The following MYO5B variants were observed in gnomAD, a reference collection of about 807,000 sequenced individuals.
The protein encoded by MYO5B is myosin VB.
A neutral mutation model predicts 229.3 loss-of-function variants in MYO5B; 143 were observed. The ratio of observed to expected loss-of-function variants is 0.62; its 90% CI spans 0.54 to 0.72. The LOEUF is 0.72. MYO5B is among the 30% of genes least tolerant of loss of function. MYO5B has a pLI of 0.00. For synonymous variants in MYO5B, 918 were observed against 885.2 expected (o/e 1.04, Z -0.66); for missense variants, 2,321 against 2,331.0 (o/e 1.00, Z 0.09).
chr18:49,962,438 C>T (rs754529760), intron 11 of MYO5B, 32 bp from the exon 12 acceptor site: 2 of 1,614,004 alleles, frequency 1.2e-6, no homozygotes. Flanking sequence ...CACGAGTGAA[C>T]TGCAGGCACA....
chr18:50,132,791 G>A (rs2144548891), intron 1 of MYO5B, among the ~76,000 whole-genome samples: 1 of 152,282 alleles, frequency 6.6e-6, no homozygotes, highest in Non-Finnish European at 1.5e-5. Flanking sequence ...AAACTTCCAA[G>A]TACCTTGGCT....
At chr18:50,100,766 G>T (rs1364877177) in intron 1 of MYO5B, among the ~76,000 whole-genome samples, 1 of 152,114 alleles carries the variant, frequency 6.6e-6, no homozygotes, top group Non-Finnish European at 1.5e-5. Context: ...CTCTTTCTCT[G>T]CTCTCTTCTT....
chr18:49,843,533 G>A, intron 33 of MYO5B, 141 bp from the exon 34 acceptor site: 1 of 1,089,322 alleles, frequency 9.2e-7, no homozygotes, highest in South Asian at 1.4e-5. Context: ...AGGATTGGGA[G>A]AGAAGCCACC....
intron 39 of MYO5B, among the ~76,000 whole-genome samples, chr18:49,831,058 CTT>C (rs2023914160): frequency 6.6e-6 from 1 of 151,876 alleles, no homozygotes; most frequent in Non-Finnish European, 1.5e-5. Flanking sequence ...AGGGCAGTGT[CTT>C]TGACAAATGG....
Position 50,103,680 on chromosome 18 carries a change from G to A in MYO5B, c.28-48302C>T, listed in dbSNP as rs576127203. On this transcript the variant is annotated intron_variant, in intron 1 of 39. Transcript: ENST00000285039. ...GGCTTGAGCCCAGCAGTTTGGGGCT[G>A]CAGTGAGCTATGATTATACCACTGC... Among the ~76,000 whole-genome samples, 5 of 152,242 alleles carry A rather than the reference G, an allele frequency of 3.3e-5. No individual in the cohort carries two copies. The South Asian group carries it at 1.0e-3, about 32-fold the overall frequency.
chr18:50,106,038 C>T (rs532726282), intron 1 of MYO5B, among the ~76,000 whole-genome samples: 26 of 152,234 alleles, frequency 1.7e-4, no homozygotes, highest in African/African-American at 6.0e-4. Flanking sequence ...ATAACTCATC[C>T]TCCCATCCTG....
intron 1 of MYO5B, among the ~76,000 whole-genome samples, chr18:50,109,149 C>A (rs1418241603): frequency 6.6e-6 from 1 of 152,138 alleles, no homozygotes; most frequent in Non-Finnish European, 1.5e-5. Flanking sequence ...TGAAGAACCA[C>A]GATAAGAAAG....
Position 49,895,018 on chromosome 18 carries a change from T to C in MYO5B, c.2968A>G (p.Thr990Ala), listed in dbSNP as rs1369153296. ...RLQEEVESLR[T>A]ELQRAHSERK... is the part of the protein sequence containing the mutation. ...TCCGAGTGGGCCCTCTGCAGCTCTGTGCGCAGGCTCTCCACCTCCTCCTGC... is the reference window on the plus strand; with the variant it reads ...TCCGAGTGGGCCCTCTGCAGCTCTGCGCGCAGGCTCTCCACCTCCTCCTGC... The change falls in exon 22 of 40, where the codon ACA (threonine) becomes GCA (alanine). Residue 990 changes from threonine (T) to alanine (A), a missense_variant. Thr to Ala is a moderately conservative substitution (Grantham distance 58, BLOSUM62 0). Transcript: ENST00000285039. The C allele has an allele frequency of 1.4e-5, 23 of 1,613,974 alleles. No homozygotes were observed. Among genetic ancestry groups the C allele is most frequent in the Non-Finnish European group, 1.9e-5 (22 of 1,180,030 alleles).
intron 1 of MYO5B, among the ~76,000 whole-genome samples, chr18:50,107,969 C>T (rs1266159596): frequency 1.3e-5 from 2 of 151,986 alleles, no homozygotes; most frequent in African/African-American, 2.4e-5. Context: ...AGTGCAGTGG[C>T]GTGATCTTGG....
intron 14 of MYO5B, among the ~76,000 whole-genome samples, chr18:49,951,774 TCA>T (rs1377330202): frequency 1.3e-5 from 2 of 152,212 alleles, no homozygotes; most frequent in Non-Finnish European, 2.9e-5. Flanking sequence ...CTATAAGTTG[TCA>T]CAGGCCTCCA....
intron 21 of MYO5B, among the ~76,000 whole-genome samples, chr18:49,895,977 C>T (rs2024774663): frequency 6.6e-6 from 1 of 152,170 alleles, no homozygotes; most frequent in Non-Finnish European, 1.5e-5. Flanking sequence ...ATAGGGCTCT[C>T]CAAATCATCA....
intron 1 of MYO5B, among the ~76,000 whole-genome samples, chr18:50,187,035 C>T (rs2033158900): frequency 6.6e-6 from 1 of 152,202 alleles, no homozygotes; most frequent in South Asian, 2.1e-4. Flanking sequence ...TTTCGTAAAT[C>T]TCCAAATGTA....
chr18:49,937,393 G>A lies in MYO5B; in HGVS notation c.1757C>T (p.Pro586Leu). 1 of 1,613,928 alleles carries A rather than the reference G, an allele frequency of 6.2e-7. No homozygotes were observed. Among genetic ancestry groups the A allele is most frequent in the Non-Finnish European group, 8.5e-7 (1 of 1,179,866 alleles). ...QINILKASKF[P>L]LVADLFHDDK... The stretch of plus-strand genomic sequence containing the variant: ...ATCATGAAACAAGTCAGCCACTAGT[G>A]GGAACTAGAAACAATCACAGGAAGA... Residue 586 changes from proline to leucine, a missense_variant, in exon 15 of 40, where the codon CCA (proline) becomes CTA (leucine). Transcript: ENST00000285039.
chr18:49,917,139 G>A lies in MYO5B; in HGVS notation c.2091-4966C>T, dbSNP rs116386815. ...TGTGGGACAGAGAGCATTCCACCTC[G>A]TGTTGTGGATATGTTCATGCAGGGG... On this transcript the variant is annotated intron_variant, in intron 17 of 39. Transcript: ENST00000285039. 3.7e-3 allele frequency among the ~76,000 whole-genome samples: 566 copies of A among 152,264 alleles called. 4 individuals carry two copies. The highest frequency in any genetic ancestry group is 0.013 in the African/African-American group (537 of 41,540).
At chr18:49,959,242 G>A (rs978274098) in intron 12 of MYO5B, among the ~76,000 whole-genome samples, 3 of 152,184 alleles carry the variant, frequency 2.0e-5, no homozygotes, top group African/African-American at 7.2e-5. Context: ...TGACACTTCA[G>A]TGCTTGCCTG....
At chr18:50,088,986 G>C (rs1474379403) in intron 1 of MYO5B, among the ~76,000 whole-genome samples, 1 of 145,602 alleles carries the variant, frequency 6.9e-6, no homozygotes, top group African/African-American at 2.4e-5. Flanking sequence ...TCCCTAAAAT[G>C]CTCATTTTTC....
intron 1 of MYO5B, among the ~76,000 whole-genome samples, chr18:50,121,885 C>G (rs2032063349): frequency 6.6e-6 from 1 of 152,242 alleles, no homozygotes; most frequent in East Asian, 1.9e-4. Context: ...AATAACAGCC[C>G]TTTCTCACTG....
intron 3 of MYO5B, among the ~76,000 whole-genome samples, chr18:50,039,047 G>C (rs765191633): frequency 6.6e-6 from 1 of 151,988 alleles, no homozygotes; most frequent in Non-Finnish European, 1.5e-5. Context: ...AACCAAAGTG[G>C]AATATAAAAG....
intron 1 of MYO5B, among the ~76,000 whole-genome samples, chr18:50,141,771 C>A (rs757565068): frequency 1.1e-4 from 17 of 152,210 alleles, no homozygotes; most frequent in Non-Finnish European, 2.2e-4. Flanking sequence ...CTATACCAGG[C>A]ATAAAGTCAG....
Sources: allele counts gnomAD v4.1 joint callset (sites outside exome capture counted in the v4.1 genomes callset), GRCh38; gene constraint gnomAD v4.1.1; transcripts MANE v1.5; gene names NCBI Gene and HGNC (gene_info 2026-07-23, HGNC 2026-07-21).